The following AHRR variants were observed in gnomAD, a reference collection of about 807,000 sequenced individuals.
AHRR encodes the protein aryl hydrocarbon receptor repressor, also known as ahR repressor.
A neutral mutation model predicts 44.0 loss-of-function variants in AHRR; 28 were observed. The observed-to-expected ratio is 0.64, with a 90% CI of 0.47 to 0.87. The LOEUF is 0.87. AHRR is among the 40% of genes least tolerant of loss of function. The probability of loss-of-function intolerance (pLI) is 0.00; values close to 1 mark genes in which losing one functional copy is unlikely to be tolerated. For missense variants in AHRR, 990 were observed against 953.9 expected, an observed-to-expected ratio of 1.04 and a Z score of -0.50; for synonymous variants, 434 against 407.0, an observed-to-expected ratio of 1.07 and a Z score of -0.80.
Position 343,942 on chromosome 5 carries a change from C to T in AHRR, c.40C>T (p.Arg14Trp). The T allele has an allele frequency of 6.3e-7, 1 of 1,599,952 alleles. No homozygotes were observed. Among genetic ancestry groups the T allele is most frequent in the Non-Finnish European group, 8.5e-7 (1 of 1,173,932 alleles). ...PGECTYAGRKRRRPLQKQRPA... is the reference protein window; with the variant it reads ...PGECTYAGRKWRRPLQKQRPA... ...GGAGTGCACGTACGCGGGCCGGAAG[C>T]GGAGGAGGCCCCTGCAGAAACAGTA... Residue 14 changes from arginine (R) to tryptophan (W), a missense_variant, in exon 2 of 11, where the codon CGG becomes TGG. Transcript: ENST00000684583.
rs1743547333 is a variant in AHRR at position 370,704 on chromosome 5, G to A, written c.245-5906G>A. Among the ~76,000 whole-genome samples, 3 of 150,786 alleles carry A rather than the reference G, an allele frequency of 2.0e-5. No individual in the cohort carries two copies. The highest frequency in any genetic ancestry group is 2.1e-4 in the South Asian group (1 of 4,726). ...GGTGATGGGGTTGGGGACAGGTCTC[G>A]GGAAGGCACAGGTGACAGTGTGGGG... On this transcript the variant is annotated intron_variant, in intron 3 of 10. Coordinates refer to ENST00000684583, the MANE Select transcript of AHRR (RefSeq NM_001377236.1). The surrounding 1 kb of genome is among the most constrained non-coding windows in gnomAD (Gnocchi z 4.5).
At position 435,352 on chromosome 5, in the gene AHRR, C is replaced by T; in HGVS notation, c.*518C>T. On this transcript the variant is annotated 3_prime_UTR_variant, in exon 11 of 11. Coordinates refer to ENST00000684583, the MANE Select transcript of AHRR (RefSeq NM_001377236.1). Reference sequence around the variant, plus strand: ...CTGTGCAGGCAGGGTCAGCCCATCGCCACAGTGCACTGTAGAGGCCAGCAC... The same window carrying T: ...CTGTGCAGGCAGGGTCAGCCCATCGTCACAGTGCACTGTAGAGGCCAGCAC... 1 of 167,024 alleles carries T rather than the reference C, an allele frequency of 6.0e-6. No individual in the cohort carries two copies. 10.3% of individuals were successfully genotyped at this position (167,024 alleles called of 1,614,324 possible).
In AHRR at chr5:432,940, G is replaced by T. The variant is rs1310028973; in HGVS notation, c.1105G>T (p.Gly369Cys). 6.2e-7 allele frequency: 1 copy of T among 1,604,404 alleles called. No homozygotes were observed. The highest frequency in any genetic ancestry group is 8.5e-7 in the Non-Finnish European group (1 of 1,175,104). The change falls in exon 10 of 11, where the codon GGC becomes TGC. Residue 369 changes from glycine to cysteine, a missense_variant. By Grantham distance (159) the Gly-to-Cys change is radical. Transcript: ENST00000684583. ...GPDLVLDPKG[G>C]SGDREEEQHR... ...TGACCTTGTCCTTGACCCCAAGGGG[G>T]GCTCAGGGTAAGTGGTGCCAGGCAG...
intron 4 of AHRR, among the ~76,000 whole-genome samples, chr5:389,826 C>G (rs1734332781): frequency 1.3e-5 from 2 of 149,146 alleles, no homozygotes; most frequent in Non-Finnish European, 3.0e-5. Flanking sequence ...GGAGTGAGAC[C>G]CAACCTGAGA....
At chr5:324,668 A>T (rs1741640001) in intron 1 of AHRR, among the ~76,000 whole-genome samples, 1 of 152,122 alleles carries the variant, frequency 6.6e-6, no homozygotes, top group African/African-American at 2.4e-5. Context: ...CTATGCCTGT[A>T]ATCCCAGCTA....
At position 434,631 on chromosome 5, in the gene AHRR, C is replaced by T. The variant is rs1448564340; in HGVS notation, c.1891C>T (p.Pro631Ser). 1.3e-6 allele frequency: 2 copies of T among 1,562,284 alleles called. No individual in the cohort carries two copies. Among genetic ancestry groups the T allele is most frequent in the Admixed American group, 1.9e-5 (1 of 52,366 alleles). The change falls in exon 11 of 11, where the codon CCC (proline) becomes TCC (serine). Residue 631 changes from proline (P) to serine (S), a missense_variant. Transcript: ENST00000684583. ...AGACGGCCTTCCCCAGTCGGAGCCT[C>T]CCCACCAGCTCTGTGCACGGGGCCG... ...PTDGLPQSEP[P>S]HQLCARGRGE...
chr5:368,096 T>C, intron 3 of AHRR: 1 of 597,946 alleles, frequency 1.7e-6, no homozygotes, highest in East Asian at 2.8e-5. Context: ...ACGAATTCAT[T>C]ATTTATAAAC....
intron 4 of AHRR, among the ~76,000 whole-genome samples, chr5:400,347 G>T (rs186001907): frequency 1.3e-5 from 2 of 152,234 alleles, no homozygotes; most frequent in East Asian, 3.9e-4. Context: ...GCGGTCCCTG[G>T]GGGAGAGCGT....
In AHRR at chr5:434,196, A is replaced by G. The variant is rs1156829524; in HGVS notation, c.1456A>G (p.Arg486Gly). ...CCCTCCCCTCTGCCACTTTCCCCAG[A>G]GGAGCCTGCAGCACCAGCTCCCTCA... ...VHPPLCHFPQ[R>G]SLQHQLPQPG... Residue 486 changes from arginine to glycine, a missense_variant, in exon 11 of 11, where the codon AGG (arginine) becomes GGG (glycine). Arg to Gly is a moderately radical substitution (Grantham distance 125). Transcript: ENST00000684583. The G allele has an allele frequency of 6.3e-7, 1 of 1,591,998 alleles. No individual in the cohort carries two copies. Among genetic ancestry groups the G allele is most frequent in the African/African-American group, 1.3e-5 (1 of 74,594 alleles).
intron 2 of AHRR, among the ~76,000 whole-genome samples, chr5:344,959 G>T (rs1269269498): frequency 1.5e-5 from 1 of 67,062 alleles, no homozygotes; most frequent in Non-Finnish European, 3.4e-5. Context: ...GTGTGTGTGT[G>T]AGGTTGGGGG....
intron 4 of AHRR, among the ~76,000 whole-genome samples, chr5:403,183 C>T (rs1310736434): frequency 2.0e-5 from 3 of 151,984 alleles, no homozygotes; most frequent in Non-Finnish European, 2.9e-5. Flanking sequence ...AGGCAGAAAG[C>T]GGGTGGGACG....
intron 4 of AHRR, among the ~76,000 whole-genome samples, chr5:397,771 G>A (rs111920075): frequency 3.0e-3 from 135 of 44,544 alleles, no homozygotes; most frequent in Middle Eastern, 0.024. Flanking sequence ...GCCCCTGACC[G>A]TCCACGTAGC....
chr5:381,520 T>TC (rs1486520113), intron 4 of AHRR, among the ~76,000 whole-genome samples: 6 of 129,768 alleles, frequency 4.6e-5, no homozygotes, highest in Admixed American at 1.5e-4. Flanking sequence ...TTTTTTTTTT[T>TC]TTTTTTTTTT....
At chr5:424,370 G>A (rs1352625659) in intron 7 of AHRR, among the ~76,000 whole-genome samples, 2 of 117,070 alleles carry the variant, frequency 1.7e-5, no homozygotes, top group Non-Finnish European at 4.0e-5. Flanking sequence ...GTGTGGGGGT[G>A]TTAACCCATG....
chr5:330,869 ATTTT>A (rs34221385), intron 1 of AHRR, among the ~76,000 whole-genome samples: 179 of 97,414 alleles, frequency 1.8e-3, no homozygotes, highest in Middle Eastern at 5.6e-3. Flanking sequence ...ATAATTCAGC[ATTTT>A]TTTTTTTTTT....
In AHRR at chr5:370,257, G is replaced by A. The variant is rs867584562; in HGVS notation, c.245-6353G>A. Among the ~76,000 whole-genome samples the A allele has an allele frequency of 5.3e-5, 8 of 150,306 alleles. No homozygotes were observed. The East Asian group carries it at 7.9e-4, about 15-fold the overall frequency. On this transcript the variant is annotated intron_variant, in intron 3 of 10. Transcript: ENST00000684583. This position sits in a 1 kb window ranked among gnomAD's most constrained non-coding sequence, Gnocchi z 4.5. ...CCTCCCGGGCCCTCGCTGGTGCCCCGACCTCCTGGGCCCTCGCTGGAAGCT... is the reference window on the plus strand; with the variant it reads ...CCTCCCGGGCCCTCGCTGGTGCCCCAACCTCCTGGGCCCTCGCTGGAAGCT...
At chr5:375,904 A>C (rs753979127) in intron 3 of AHRR, among the ~76,000 whole-genome samples, 13 of 152,168 alleles carry the variant, frequency 8.5e-5, no homozygotes, top group Admixed American at 3.9e-4. Context: ...TGCACCCAAA[A>C]ATGGAGAATG....
intron 9 of AHRR, 81 bp downstream of exon 9, chr5:432,605 G>A (rs1052681369): frequency 2.6e-6 from 4 of 1,546,522 alleles, no homozygotes; most frequent in Non-Finnish European, 3.6e-6. Flanking sequence ...CCGCCCAGTG[G>A]AGATGTTGGC....
intron 3 of AHRR, chr5:368,034 C>T (rs931454236): frequency 6.1e-6 from 4 of 660,936 alleles, no homozygotes; most frequent in Admixed American, 2.2e-5. Context: ...AGGCCAGCCC[C>T]ATATGGGTGT....
Sources: gnomAD v4.1 joint callset for allele counts (sites outside exome capture counted in the v4.1 genomes callset) on GRCh38, gnomAD v4.1.1 for gene constraint, Gnocchi (gnomAD v3.1) non-coding constraint, MANE v1.5 for transcripts, NCBI Gene and HGNC (gene_info 2026-07-23, HGNC 2026-07-21) for gene names.